TMEM248: variants seen among roughly 807,000 people sequenced by gnomAD.
TMEM248 encodes the protein UPF0458 protein C7orf42.
TMEM248 carries 9 observed loss-of-function variants against 30.3 expected under a neutral mutation model. The observed-to-expected ratio is 0.30, with a 90% CI of 0.18 to 0.52. TMEM248 has a LOEUF of 0.52. Among genes scored for constraint, TMEM248 ranks in the 20% least tolerant of loss-of-function variants. The probability of loss-of-function intolerance (pLI) is 0.97; values close to 1 mark genes in which losing one functional copy is unlikely to be tolerated. For missense variants in TMEM248, 338 were observed against 403.3 expected (o/e 0.84, Z 1.39); for synonymous variants, 184 against 154.4 (o/e 1.19, Z -1.42).
At chr7:66,934,591 G>T (rs1437854985) in intron 1 of TMEM248, among the ~76,000 whole-genome samples, 1 of 152,198 alleles carries the variant, frequency 6.6e-6, no homozygotes. Context: ...TTGCCATTTT[G>T]TGGGTATTTC....
chr7:66,948,803 T>C (rs1379977932), intron 4 of TMEM248, 109 bp downstream of exon 4: 11 of 1,202,118 alleles, frequency 9.2e-6, no homozygotes, highest in African/African-American at 1.5e-5. Context: ...TCACATTTCT[T>C]TATAGAATTA....
chr7:66,953,439 C>T (rs1194542131), intron 6 of TMEM248, 70 bp downstream of exon 6: 1 of 1,557,352 alleles, frequency 6.4e-7, no homozygotes. Context: ...CCCAGTTATC[C>T]TTATTCTATT....
chr7:66,953,438 C>T lies in TMEM248; in HGVS notation c.924+69C>T. ...TCTGTATACAGAAAGTCCCAGTTATCCTTATTCTATTTATTGTGGGTGGCA... is the reference window on the plus strand; with the variant it reads ...TCTGTATACAGAAAGTCCCAGTTATTCTTATTCTATTTATTGTGGGTGGCA... On this transcript the variant is annotated intron_variant, in intron 6 of 6. Transcript: ENST00000341567. The T allele has an allele frequency of 5.1e-6, 8 of 1,559,590 alleles. No homozygotes were observed. In the South Asian group the frequency reaches 7.1e-5, roughly 14 times the overall value.
In TMEM248 at chr7:66,957,863, A is replaced by C. The variant is rs1446884846; in HGVS notation, c.*2341A>C. ...GGCTTGTCCCAAGGCCAGGACACAC[A>C]CTTTAAAATCCAACATTCACCTAAG... On this transcript the variant is annotated 3_prime_UTR_variant, in exon 7 of 7. Transcript: ENST00000341567. 1 of 152,206 alleles carries C rather than the reference A, an allele frequency of 6.6e-6. No homozygotes were observed. The highest frequency in any genetic ancestry group is 1.9e-4 in the East Asian group (1 of 5,176). 9.4% of individuals were successfully genotyped at this position (152,206 alleles called of 1,614,324 possible). A position where few individuals can be genotyped will look rare whatever the true frequency, so the allele number is the denominator to read the frequency against.
chr7:66,927,722 G>T (rs571650219), intron 1 of TMEM248, among the ~76,000 whole-genome samples: 10 of 151,594 alleles, frequency 6.6e-5, no homozygotes, highest in Admixed American at 2.6e-4. Flanking sequence ...CTCCCAAAGT[G>T]TTGGGATTAC....
chr7:66,926,712 A>G (rs189076353), intron 1 of TMEM248, among the ~76,000 whole-genome samples: 6 of 152,048 alleles, frequency 3.9e-5, no homozygotes, highest in African/African-American at 1.4e-4. Context: ...AAAAAACAGA[A>G]AGGAGGAAAG....
chr7:66,943,092 A>G (rs1217084580), intron 2 of TMEM248, among the ~76,000 whole-genome samples: 2 of 151,880 alleles, frequency 1.3e-5, no homozygotes, highest in African/African-American at 4.8e-5. Context: ...TCTACCATGT[A>G]ACCCTTTCAA....
intron 1 of TMEM248, among the ~76,000 whole-genome samples, chr7:66,935,699 T>C (rs1454612428): frequency 1.3e-5 from 2 of 152,152 alleles, no homozygotes; most frequent in Non-Finnish European, 2.9e-5. Context: ...CACACCATCG[T>C]GCCCAGCTAA....
At chr7:66,929,882 T>C (rs1391308718) in intron 1 of TMEM248, among the ~76,000 whole-genome samples, 6 of 151,902 alleles carry the variant, frequency 3.9e-5, no homozygotes, top group African/African-American at 9.7e-5. Flanking sequence ...TGGCAGGAGC[T>C]GGGCGCAGTG....
At chr7:66,949,404 G>A (rs768334157) in intron 4 of TMEM248, among the ~76,000 whole-genome samples, 1 of 152,070 alleles carries the variant, frequency 6.6e-6, no homozygotes, top group Non-Finnish European at 1.5e-5. Flanking sequence ...GGAGGCAGAG[G>A]TTGCAGTGAG....
At chr7:66,948,182 G>A (rs1792162164) in intron 3 of TMEM248, among the ~76,000 whole-genome samples, 1 of 152,226 alleles carries the variant, frequency 6.6e-6, no homozygotes, top group Non-Finnish European at 1.5e-5. Context: ...TGGGAGAGTA[G>A]TAAATTTTAA....
intron 2 of TMEM248, among the ~76,000 whole-genome samples, chr7:66,944,459 G>A (rs921521213): frequency 2.8e-4 from 43 of 152,182 alleles, no homozygotes; most frequent in Non-Finnish European, 4.4e-5. Flanking sequence ...TCCATAAGAA[G>A]GGGGGCAGTG....
chr7:66,923,470 G>T (rs1791442709), intron 1 of TMEM248, among the ~76,000 whole-genome samples: 1 of 152,096 alleles, frequency 6.6e-6, no homozygotes, highest in African/African-American at 2.4e-5. Context: ...CTTTGAGGTG[G>T]ACCTAGAAAG....
intron 3 of TMEM248, among the ~76,000 whole-genome samples, chr7:66,947,177 T>C (rs1792127316): frequency 1.4e-5 from 2 of 143,384 alleles, no homozygotes; most frequent in African/African-American, 5.2e-5. Flanking sequence ...ATTGTACCAC[T>C]GTACTCCAGC....
chr7:66,921,506 G>C (rs1459656572), intron 1 of TMEM248, 45 bp downstream of exon 1: 1 of 151,798 alleles, frequency 6.6e-6, no homozygotes, highest in Non-Finnish European at 1.5e-5. Flanking sequence ...CCCAGTCGGG[G>C]CTGCCCGCGG....
intron 1 of TMEM248, among the ~76,000 whole-genome samples, chr7:66,926,764 C>G (rs905962348): frequency 2.6e-4 from 40 of 152,156 alleles, no homozygotes; most frequent in African/African-American, 8.7e-4. Flanking sequence ...AGATTGATTT[C>G]GAACATGGAA....
rs545983513 is a variant in TMEM248 at position 66,956,195 on chromosome 7, G to T, written c.*673G>T. On this transcript the variant is annotated 3_prime_UTR_variant, in exon 7 of 7. Transcript: ENST00000341567. ...CTTGTGCTTTTATCCTGACTAAAAA[G>T]TTAAATATTTAAGTCACATACATGG... The T allele has an allele frequency of 6.6e-5, 10 of 152,206 alleles. No individual in the cohort carries two copies. The highest frequency in any genetic ancestry group is 1.3e-4 in the Admixed American group (2 of 15,268). 9.4% of individuals were successfully genotyped at this position (152,206 alleles called of 1,614,324 possible). A position where few individuals can be genotyped will look rare whatever the true frequency, so the allele number is the denominator to read the frequency against.
intron 5 of TMEM248, 72 bp from the exon 6 acceptor site, chr7:66,953,154 C>A: frequency 6.5e-7 from 1 of 1,542,304 alleles, no homozygotes; most frequent in African/African-American, 1.4e-5. Flanking sequence ...TCCTGTCTCT[C>A]AAAACCCAGC....
At chr7:66,921,815 C>G (rs1244525464) in intron 1 of TMEM248, 1 of 152,294 alleles carries the variant, frequency 6.6e-6, no homozygotes, top group Non-Finnish European at 1.5e-5. Context: ...GTTTGCGTTT[C>G]TTCTCCGTTT....
Sources: gnomAD v4.1 joint callset for allele counts (sites outside exome capture counted in the v4.1 genomes callset) on GRCh38, gnomAD v4.1.1 for gene constraint, MANE v1.5 for transcripts, NCBI Gene and HGNC (gene_info 2026-07-23, HGNC 2026-07-21) for gene names.